The following CCDC92 variants were observed in gnomAD, a reference collection of about 807,000 sequenced individuals.
CCDC92 encodes the protein coiled-coil domain-containing protein 92.
CCDC92 carries 12 observed loss-of-function variants against 24.9 expected under a neutral mutation model. That is an observed-to-expected ratio of 0.48 (90% CI 0.31 to 0.78). The LOEUF is 0.78. Ranked by LOEUF, CCDC92 falls within the 30% of genes least tolerant of loss-of-function variation. The pLI is 0.05. For missense variants in CCDC92, 399 were observed against 439.4 expected (o/e 0.91, Z 0.82); for synonymous variants, 193 against 196.3 (o/e 0.98, Z 0.14).
chr12:123,953,961 AAAC>A (rs1355409971), intron 1 of CCDC92, among the ~76,000 whole-genome samples: 2 of 152,092 alleles, frequency 1.3e-5, no homozygotes, highest in Middle Eastern at 3.2e-3. Flanking sequence ...CATCTCAAAT[AAAC>A]AAACAAACAA....
chr12:123,943,850 G>T, intron 2 of CCDC92: 1 of 452,894 alleles, frequency 2.2e-6, no homozygotes, highest in Non-Finnish European at 4.0e-6. Flanking sequence ...CACACAGCCA[G>T]TGAGGTATGG....
At position 123,972,662 on chromosome 12, in the gene CCDC92, T is replaced by C. The variant is rs1042968474; in HGVS notation, c.-193A>G. Reference sequence around the variant, plus strand: ...GGCGGGGCTGCCTGGGCTCGGGCGCTGCCCGGGCCGGGCCGCCGAGGGAGG... The same window carrying C: ...GGCGGGGCTGCCTGGGCTCGGGCGCCGCCCGGGCCGGGCCGCCGAGGGAGG... On this transcript the variant is annotated 5_prime_UTR_variant, in exon 1 of 5. Transcript: ENST00000238156. 6.9e-6 allele frequency: 1 copy of C among 144,956 alleles called. No individual in the cohort carries two copies. The highest frequency in any genetic ancestry group is 1.5e-5 in the Non-Finnish European group (1 of 65,394). The allele number at this position is 144,956 out of a possible 1,614,324, so 9.0% of individuals were successfully genotyped here.
intron 1 of CCDC92, among the ~76,000 whole-genome samples, chr12:123,948,673 G>C (rs894724490): frequency 5.3e-5 from 8 of 152,236 alleles, no homozygotes; most frequent in Non-Finnish European, 1.0e-4. Flanking sequence ...CTGACATGGA[G>C]ACGCCATCTG....
intron 1 of CCDC92, among the ~76,000 whole-genome samples, chr12:123,955,663 G>C (rs1166420532): frequency 6.6e-6 from 1 of 151,616 alleles, no homozygotes; most frequent in Non-Finnish European, 1.5e-5. Flanking sequence ...TTTTTTGGTG[G>C]GGGGGAGACA....
At chr12:123,940,337 C>T (rs2137882988) in intron 4 of CCDC92, among the ~76,000 whole-genome samples, 1 of 152,332 alleles carries the variant, frequency 6.6e-6, no homozygotes, top group South Asian at 2.1e-4. Context: ...CCACAGCATC[C>T]TGAGAGAAGC....
intron 1 of CCDC92, chr12:123,944,647 T>A: frequency 4.3e-6 from 1 of 232,866 alleles, no homozygotes; most frequent in Non-Finnish European, 8.2e-6. Flanking sequence ...TAGGACGAGT[T>A]CATAACGAAC....
rs1956469414 is a variant in CCDC92, at chr12:123,969,429, C to A, written c.-60+3100G>T. ...AACAAACTAAAATGCGGAGCAAGCA[C>A]AAGAATCATCTCTTATATCATCTCT... is the stretch of plus-strand genomic sequence containing the variant. On this transcript the variant is annotated intron_variant, in intron 1 of 4. Transcript: ENST00000238156. 2.7e-5 allele frequency among the ~76,000 whole-genome samples: 4 copies of A among 146,714 alleles called. No individual in the cohort carries two copies. The Admixed American group carries it at 2.7e-4, about 10-fold the overall frequency.
At position 123,937,030 on chromosome 12, in the gene CCDC92, G is replaced by A. The variant is rs1314577059; in HGVS notation, c.*28C>T. 3 of 1,612,172 alleles carry A rather than the reference G, an allele frequency of 1.9e-6. No homozygotes were observed. The highest frequency in any genetic ancestry group is 1.7e-6 in the Non-Finnish European group (2 of 1,179,442). On this transcript the variant is annotated 3_prime_UTR_variant, in exon 5 of 5. Transcript: ENST00000238156. This position sits in a 1 kb window ranked among gnomAD's most constrained non-coding sequence, Gnocchi z 8.4. ...TTCCCAGTGGTGCTCACAGTGCATG[G>A]ACAGCGCGGGGTGGGGCACGGCGGG...
At chr12:123,942,929 T>C (rs1262943851) in intron 3 of CCDC92, 144 bp from the exon 4 acceptor site, 1 of 711,810 alleles carries the variant, frequency 1.4e-6, no homozygotes, top group African/African-American at 1.7e-5. Flanking sequence ...GAGGTGAGCA[T>C]GAGAGCAGCA....
chr12:123,951,083 TG>T (rs1456378512), intron 1 of CCDC92, among the ~76,000 whole-genome samples: 1 of 152,184 alleles, frequency 6.6e-6, no homozygotes, highest in Non-Finnish European at 1.5e-5. Flanking sequence ...AGAACTCCCA[TG>T]GCAAACCATC....
At chr12:123,939,987 C>T (rs993781360) in intron 4 of CCDC92, among the ~76,000 whole-genome samples, 9 of 152,226 alleles carry the variant, frequency 5.9e-5, no homozygotes, top group African/African-American at 9.6e-5. Context: ...GGGCTCCTTC[C>T]GAGGAAGGGC....
Position 123,943,319 on chromosome 12 carries a change from G to A in CCDC92, c.181+28C>T, listed in dbSNP as rs199731427. The stretch of plus-strand genomic sequence containing the variant: ...CTGCCGTGCCCCATAGCCGCCCCCC[G>A]CCTGCCCGGGCCTGCTCCCCGATGT... On this transcript the variant is annotated intron_variant, in intron 3 of 4. Coordinates refer to ENST00000238156, the MANE Select transcript of CCDC92 (RefSeq NM_025140.3). 3.4e-5 allele frequency: 55 copies of A among 1,605,242 alleles called. No homozygotes were observed. In the Admixed American group the frequency reaches 6.8e-4, roughly 20 times the overall value.
chr12:123,968,486 T>A (rs1956444549), intron 1 of CCDC92: 1 of 152,144 alleles, frequency 6.6e-6, no homozygotes, highest in East Asian at 1.9e-4. Context: ...GTATCTGTGA[T>A]TTTTTTTCCT....
intron 4 of CCDC92, among the ~76,000 whole-genome samples, chr12:123,941,062 C>T (rs145995005): frequency 2.8e-4 from 43 of 152,242 alleles, no homozygotes; most frequent in East Asian, 1.4e-3. Context: ...GGTTGAGAAC[C>T]GTGACTGGAG....
chr12:123,941,107 G>C (rs2137894150), intron 4 of CCDC92, among the ~76,000 whole-genome samples: 1 of 152,362 alleles, frequency 6.6e-6, no homozygotes, highest in African/African-American at 2.4e-5. Flanking sequence ...CTTCAGATTA[G>C]CCTGGGCCAG....
At chr12:123,967,849 T>C (rs1200098416) in intron 1 of CCDC92, among the ~76,000 whole-genome samples, 1 of 152,234 alleles carries the variant, frequency 6.6e-6, no homozygotes, top group African/African-American at 2.4e-5. Context: ...CTTTAATGAC[T>C]TCTCATAAAC....
chr12:123,956,118 GTAAA>G (rs1231591675), intron 1 of CCDC92, among the ~76,000 whole-genome samples: 2 of 152,168 alleles, frequency 1.3e-5, no homozygotes, highest in Non-Finnish European at 2.9e-5. Context: ...AGTCACTTCA[GTAAA>G]TAAAGTCACC....
At chr12:123,972,332 A>C (rs1355014431) in intron 1 of CCDC92, among the ~76,000 whole-genome samples, 197 bp downstream of exon 1, 1 of 151,798 alleles carries the variant, frequency 6.6e-6, no homozygotes, top group East Asian at 1.9e-4. Context: ...CCCCTGGGGG[A>C]GCTAACGTGG....
intron 1 of CCDC92, among the ~76,000 whole-genome samples, chr12:123,954,000 G>T (rs1394835080): frequency 6.6e-6 from 1 of 152,126 alleles, no homozygotes; most frequent in African/African-American, 2.4e-5. Flanking sequence ...TCTCTAGATG[G>T]TGGACTCGGT....
Sources: allele counts gnomAD v4.1 joint callset (sites outside exome capture counted in the v4.1 genomes callset), GRCh38; gene constraint gnomAD v4.1.1; non-coding constraint Gnocchi (gnomAD v3.1); transcripts MANE v1.5; gene names NCBI Gene and HGNC (gene_info 2026-07-23, HGNC 2026-07-21).